RAP1GAP2: variants seen among roughly 807,000 people sequenced by gnomAD.
RAP1GAP2 encodes the protein rap1 GTPase-activating protein 2.
Under a neutral mutation model 95.0 loss-of-function variants are expected in RAP1GAP2, and 27 were observed. That is an observed-to-expected ratio of 0.28 (90% CI 0.21 to 0.39). RAP1GAP2 has a LOEUF of 0.39. RAP1GAP2 is among the 10% of genes least tolerant of loss of function. The pLI is 1.00. For missense variants in RAP1GAP2, 771 were observed against 970.0 expected (o/e 0.79, Z 2.72); for synonymous variants, 373 against 380.9 (o/e 0.98, Z 0.24).
At chr17:2,758,178 C>A (rs1009617377) in intron 1 of RAP1GAP2, among the ~76,000 whole-genome samples, 3 of 139,946 alleles carry the variant, frequency 2.1e-5, no homozygotes, top group African/African-American at 8.1e-5. Context: ...CACGCCCCCC[C>A]CCCTTTTTTT....
intron 2 of RAP1GAP2, among the ~76,000 whole-genome samples, chr17:2,868,516 A>ATT (rs71153307): frequency 0.094 from 11,487 of 122,748 alleles, 1,393 homozygotes; most frequent in African/African-American, 0.28. Context: ...ACCAGGTGCA[A>ATT]TTTTTTTTTT....
At chr17:2,920,783 G>A (rs1355885981) in intron 3 of RAP1GAP2, among the ~76,000 whole-genome samples, 6 of 152,308 alleles carry the variant, frequency 3.9e-5, no homozygotes, top group Admixed American at 1.3e-4. Flanking sequence ...TGATAATCCC[G>A]CCCTTCTGCT....
At chr17:2,917,425 C>T (rs1199144950) in intron 3 of RAP1GAP2, among the ~76,000 whole-genome samples, 2 of 152,112 alleles carry the variant, frequency 1.3e-5, no homozygotes, top group African/African-American at 4.8e-5. Context: ...CATGCGCCAC[C>T]ACGCCCAGCT....
chr17:2,971,187 G>A (rs2044853991), intron 8 of RAP1GAP2, among the ~76,000 whole-genome samples: 1 of 152,128 alleles, frequency 6.6e-6, no homozygotes, highest in Non-Finnish European at 1.5e-5. Context: ...TCTGCTGGAT[G>A]TATTCACTTA....
In RAP1GAP2 at chr17:3,033,104, A is replaced by T. The variant is rs1313868614; in HGVS notation, c.*31-288A>T. 1 of 152,778 alleles carries T rather than the reference A, an allele frequency of 6.5e-6. No individual in the cohort carries two copies. Among genetic ancestry groups the T allele is most frequent in the Non-Finnish European group, 1.5e-5 (1 of 68,510 alleles). 9.5% of individuals were successfully genotyped at this position (152,778 alleles called of 1,614,324 possible). ...TACAACCGAACCCACTCTGTGTTCA[A>T]CCTGATTTATGAAAAAGCAGAAGAC... On this transcript the variant is annotated intron_variant, in intron 24 of 24. Coordinates refer to ENST00000254695, the MANE Select transcript of RAP1GAP2 (RefSeq NM_015085.5). This position sits in a 1 kb window ranked among gnomAD's most constrained non-coding sequence, Gnocchi z 4.9.
At chr17:2,862,305 A>T (rs2072433958) in intron 2 of RAP1GAP2, among the ~76,000 whole-genome samples, 1 of 152,154 alleles carries the variant, frequency 6.6e-6, no homozygotes, top group African/African-American at 2.4e-5. Context: ...ATTAGTGGAC[A>T]GTCGCCATTA....
At chr17:2,786,148 G>A (rs539618685) in intron 1 of RAP1GAP2, among the ~76,000 whole-genome samples, 15 of 152,152 alleles carry the variant, frequency 9.9e-5, no homozygotes, top group Non-Finnish European at 4.4e-5. Context: ...TGATCCGTCC[G>A]CCTCGGCCTC....
chr17:3,012,120 G>T (rs1416345826), intron 17 of RAP1GAP2, among the ~76,000 whole-genome samples: 1 of 152,146 alleles, frequency 6.6e-6, no homozygotes, highest in Non-Finnish European at 1.5e-5. Context: ...GCTTGGAGCA[G>T]TTCCTTACAG....
In RAP1GAP2 at chr17:2,963,773, A is replaced by G. The variant is rs1005200976; in HGVS notation, c.280-83A>G. On this transcript the variant is annotated intron_variant, in intron 6 of 24. Coordinates refer to ENST00000254695, the MANE Select transcript of RAP1GAP2 (RefSeq NM_015085.5). This position sits in a 1 kb window ranked among gnomAD's most constrained non-coding sequence, Gnocchi z 4.8. ...GTGGGTACCAGGCCCCACTCCTGGG[A>G]GCAGCGCAGAGGGGACACCGCCACC... 3.2e-6 allele frequency: 4 copies of G among 1,233,570 alleles called. No individual in the cohort carries two copies. The highest frequency in any genetic ancestry group is 3.0e-5 in the African/African-American group (2 of 65,838). The allele number at this position is 1,233,570 out of a possible 1,614,324, so 76.4% of individuals were successfully genotyped here.
chr17:2,877,610 G>A lies in RAP1GAP2; in HGVS notation c.81-27674G>A, dbSNP rs190079622. Among the ~76,000 whole-genome samples, 7 of 152,330 alleles carry A rather than the reference G, an allele frequency of 4.6e-5. No homozygotes were observed. The East Asian group carries it at 1.4e-3, about 29-fold the overall frequency. On this transcript the variant is annotated intron_variant, in intron 2 of 24. Transcript: ENST00000254695. ...TAAAAAAACACAAAAAATTAACTGG[G>A]TATGGTGGCGGGCACCTGTAATCCC...
chr17:2,981,308 TG>T, intron 10 of RAP1GAP2, 60 bp downstream of exon 10: 1 of 1,473,428 alleles, frequency 6.8e-7, no homozygotes, highest in South Asian at 1.2e-5. Flanking sequence ...TTTGCAGACC[TG>T]TGGCTCTTTG....
chr17:2,821,161 A>ATGCGCTTCTC (rs1192401298), intron 2 of RAP1GAP2, among the ~76,000 whole-genome samples: 1 of 151,984 alleles, frequency 6.6e-6, no homozygotes, highest in Non-Finnish European at 1.5e-5. Context: ...AGGCCCAGGG[A>ATGCGCTTCTC]TGCGCTTCTC....
intron 11 of RAP1GAP2, among the ~76,000 whole-genome samples, chr17:2,988,563 G>T (rs1333304032): frequency 3.9e-5 from 6 of 152,222 alleles, no homozygotes; most frequent in Admixed American, 3.3e-4. Flanking sequence ...CTTTTTCATT[G>T]CTGAGTAGTA....
At chr17:2,839,996 C>T (rs557238217) in intron 2 of RAP1GAP2, among the ~76,000 whole-genome samples, 107 of 151,698 alleles carry the variant, frequency 7.1e-4, no homozygotes, top group Middle Eastern at 3.4e-3. Context: ...CGGGGTTTCA[C>T]CATGTTGGTC....
rs2072808538 is a variant in RAP1GAP2, at chr17:2,870,677, T to C, written c.81-34607T>C. Among the ~76,000 whole-genome samples the C allele has an allele frequency of 6.6e-6, 1 of 152,224 alleles. No individual in the cohort carries two copies. The highest frequency in any genetic ancestry group is 1.5e-5 in the Non-Finnish European group (1 of 68,042). The stretch of plus-strand genomic sequence containing the variant: ...TATTGTAACAAAGGCGGGATTATAC[T>C]TTAGGTACAGTACATTAGTCAAGAC... On this transcript the variant is annotated intron_variant, in intron 2 of 24. Transcript: ENST00000254695. This position sits in a 1 kb window ranked among gnomAD's most constrained non-coding sequence, Gnocchi z 4.4.
At chr17:2,756,103 C>T (rs920132069) in intron 1 of RAP1GAP2, among the ~76,000 whole-genome samples, 2 of 152,250 alleles carry the variant, frequency 1.3e-5, no homozygotes, top group Non-Finnish European at 2.9e-5. Context: ...TCCGCCTTCC[C>T]CTTCGCCCCC....
At chr17:2,990,845 C>CTT (rs34075979) in intron 11 of RAP1GAP2, among the ~76,000 whole-genome samples, 12 of 128,768 alleles carry the variant, frequency 9.3e-5, no homozygotes, top group Middle Eastern at 3.6e-3. Context: ...GTTCTTTATT[C>CTT]TTTTTTTTTT....
rs2042066181 is a variant in RAP1GAP2, at chr17:2,902,745, C to A, written c.81-2539C>A. Among the ~76,000 whole-genome samples, 1 of 152,134 alleles carries A rather than the reference C, an allele frequency of 6.6e-6. No homozygotes were observed. Among genetic ancestry groups the A allele is most frequent in the Admixed American group, 6.6e-5 (1 of 15,256 alleles). On this transcript the variant is annotated intron_variant, in intron 2 of 24. Coordinates refer to ENST00000254695, the MANE Select transcript of RAP1GAP2 (RefSeq NM_015085.5). This position sits in a 1 kb window ranked among gnomAD's most constrained non-coding sequence, Gnocchi z 4.1. ...TGCCTCGCTTCCTAGAGACCGGCCC[C>A]AGGAGCTTATCCAGTGTCCAGTAGA...
chr17:2,911,075 C>T (rs2151744055), intron 3 of RAP1GAP2, among the ~76,000 whole-genome samples: 1 of 152,284 alleles, frequency 6.6e-6, no homozygotes, highest in African/African-American at 2.4e-5. Flanking sequence ...TCATCTCACG[C>T]TTGCGGGCCC....
Sources: allele counts gnomAD v4.1 joint callset (sites outside exome capture counted in the v4.1 genomes callset), GRCh38; gene constraint gnomAD v4.1.1; non-coding constraint Gnocchi (gnomAD v3.1); transcripts MANE v1.5; gene names NCBI Gene and HGNC (gene_info 2026-07-23, HGNC 2026-07-21).